RNF17: variants seen among roughly 807,000 people sequenced by gnomAD.
The protein encoded by RNF17 is spermatogenesis associated 23.
Under a neutral mutation model 200.5 loss-of-function variants are expected in RNF17, and 31 were observed. The observed-to-expected ratio is 0.15, with a 90% CI of 0.12 to 0.21. The LOEUF (loss-of-function observed/expected upper bound fraction) is 0.21. RNF17 is among the 10% of genes least tolerant of loss of function. RNF17 has a pLI of 1.00. For synonymous variants in RNF17, 606 were observed against 637.8 expected, an observed-to-expected ratio of 0.95 and a Z score of 0.75; for missense variants, 1,628 against 1,905.1, an observed-to-expected ratio of 0.85 and a Z score of 2.71.
At chr13:24,843,380 T>A (rs1030231349) in intron 19 of RNF17, among the ~76,000 whole-genome samples, 1 of 151,748 alleles carries the variant, frequency 6.6e-6, no homozygotes, top group African/African-American at 2.4e-5. Context: ...TAGTGGGGCA[T>A]GGTGGCAGGT....
chr13:24,767,384 T>C lies in RNF17; in HGVS notation c.225+18T>C. On this transcript the variant is annotated intron_variant, in intron 2 of 35. Coordinates refer to ENST00000255324, the MANE Select transcript of RNF17 (RefSeq NM_031277.3). ...ATTGTGAGGTAAGTGTTATAATTTT[T>C]CAGATGAAACATATCACAACCTAAT... 1 of 1,464,078 alleles carries C rather than the reference T, an allele frequency of 6.8e-7. No homozygotes were observed. Among genetic ancestry groups the C allele is most frequent in the Non-Finnish European group, 9.6e-7 (1 of 1,044,720 alleles). The allele number at this position is 1,464,078 out of a possible 1,614,324, so 90.7% of individuals were successfully genotyped here.
intron 1 of RNF17, among the ~76,000 whole-genome samples, chr13:24,765,208 G>C (rs1215864323): frequency 6.6e-6 from 1 of 152,006 alleles, no homozygotes; most frequent in African/African-American, 2.4e-5. Context: ...GTAGAGACAG[G>C]GTTTCACCGT....
At chr13:24,832,292 G>A (rs1889501562) in intron 18 of RNF17, among the ~76,000 whole-genome samples, 1 of 152,230 alleles carries the variant, frequency 6.6e-6, no homozygotes, top group African/African-American at 2.4e-5. Context: ...GGATGCTAAC[G>A]TTTAATTTCC....
At chr13:24,779,811 T>C (rs980345549) in intron 5 of RNF17, 64 bp downstream of exon 5, 1 of 1,210,422 alleles carries the variant, frequency 8.3e-7, no homozygotes, top group Non-Finnish European at 1.2e-6. Context: ...AGTGTGTACA[T>C]TTGGAGATGT....
chr13:24,797,746 T>G (rs1030917431), intron 11 of RNF17, among the ~76,000 whole-genome samples: 9 of 25,848 alleles, frequency 3.5e-4, no homozygotes, highest in African/African-American at 1.2e-3. Flanking sequence ...GTGTGTGTGT[T>G]TACCCTGCAA....
At chr13:24,798,862 C>T (rs1884915613) in intron 11 of RNF17, among the ~76,000 whole-genome samples, 1 of 152,036 alleles carries the variant, frequency 6.6e-6, no homozygotes, top group Non-Finnish European at 1.5e-5. Context: ...GTTCATCTTC[C>T]CTCTTCTCTG....
intron 34 of RNF17, 21 bp downstream of exon 34, chr13:24,877,207 A>C: frequency 6.3e-7 from 1 of 1,583,188 alleles, no homozygotes; most frequent in Non-Finnish European, 8.6e-7. Context: ...CAAGTAGCCA[A>C]AATTATTGTA....
chr13:24,836,374 T>A (rs1320072068), intron 18 of RNF17, among the ~76,000 whole-genome samples: 31 of 152,188 alleles, frequency 2.0e-4, no homozygotes, highest in Admixed American at 2.0e-3. Flanking sequence ...CCTGGGAAAT[T>A]CATCGCAAAA....
chr13:24,879,072 T>C, intron 34 of RNF17, 115 bp from the exon 35 acceptor site: 1 of 682,794 alleles, frequency 1.5e-6, no homozygotes, highest in Non-Finnish European at 2.5e-6. Flanking sequence ...AGAGCATAAA[T>C]TATCAATAGG....
chr13:24,748,072 C>A, the RNF17 span, among the ~76,000 whole-genome samples: 3 of 152,228 alleles, frequency 2.0e-5, no homozygotes, highest in Non-Finnish European at 4.4e-5. Flanking sequence ...CCGCACTGAT[C>A]CGAGCTTTAA....
At chr13:24,768,485 C>T (rs1378880362) in intron 2 of RNF17, among the ~76,000 whole-genome samples, 4 of 151,944 alleles carry the variant, frequency 2.6e-5, no homozygotes, top group Admixed American at 6.6e-5. Context: ...GGGGTTTCAC[C>T]ATATTAGCCA....
At chr13:24,772,231 G>A (rs892943301) in intron 2 of RNF17, among the ~76,000 whole-genome samples, 1 of 152,106 alleles carries the variant, frequency 6.6e-6, no homozygotes, top group African/African-American at 2.4e-5. Flanking sequence ...CTAGCACATA[G>A]TGTTTTAATT....
chr13:24,839,016 T>C (rs1441708802), intron 18 of RNF17, among the ~76,000 whole-genome samples: 1 of 152,162 alleles, frequency 6.6e-6, no homozygotes, highest in African/African-American at 2.4e-5. Context: ...GTAGCTCTTC[T>C]GTACACCAAC....
At chr13:24,848,224 T>C (rs942794864) in intron 22 of RNF17, among the ~76,000 whole-genome samples, 20 of 152,318 alleles carry the variant, frequency 1.3e-4, no homozygotes, top group African/African-American at 4.6e-4. Context: ...AAACACAGTC[T>C]GAACCCAGAA....
chr13:24,876,432 TTGGGTATATACCCAGAAA>T (rs1363708022), intron 33 of RNF17, among the ~76,000 whole-genome samples: 1 of 152,238 alleles, frequency 6.6e-6, no homozygotes, highest in African/African-American at 2.4e-5. Flanking sequence ...TTCAATTATT[TTGGGTATATACCCAGAAA>T]TGGAACTGCT....
rs185578971 is a variant in RNF17, at chr13:24,800,651, T to G, written c.1758+117T>G. On this transcript the variant is annotated intron_variant, in intron 13 of 35. Transcript: ENST00000255324. ...ACCAGTAATCTTGATAAATACATAGTGCATATTAAACTGTTAGTTCTAATA... is the reference window on the plus strand; with the variant it reads ...ACCAGTAATCTTGATAAATACATAGGGCATATTAAACTGTTAGTTCTAATA... The G allele has an allele frequency of 2.4e-5, 17 of 708,452 alleles. 1 individual carries two copies. The Admixed American group carries it at 2.8e-4, about 12-fold the overall frequency. The allele number at this position is 708,452 out of a possible 1,614,324, so 43.9% of individuals were successfully genotyped here.
At chr13:24,878,969 A>AG (rs1250674775) in intron 34 of RNF17, among the ~76,000 whole-genome samples, 1 of 152,208 alleles carries the variant, frequency 6.6e-6, no homozygotes, top group Non-Finnish European at 1.5e-5. Flanking sequence ...GGCTTCATTT[A>AG]GGAAGACCTT....
chr13:24,767,545 C>G (rs1199188930), intron 2 of RNF17, among the ~76,000 whole-genome samples, 179 bp downstream of exon 2: 1 of 152,068 alleles, frequency 6.6e-6, no homozygotes, highest in Non-Finnish European at 1.5e-5. Flanking sequence ...ATCAAGAGAT[C>G]AAGACCACCT....
intron 15 of RNF17, among the ~76,000 whole-genome samples, chr13:24,822,995 A>G (rs1888244697): frequency 6.6e-6 from 1 of 152,138 alleles, no homozygotes; most frequent in Non-Finnish European, 1.5e-5. Flanking sequence ...AACTTTAAGA[A>G]CTCATAGAAT....
Sources: allele counts gnomAD v4.1 joint callset (sites outside exome capture counted in the v4.1 genomes callset), GRCh38; gene constraint gnomAD v4.1.1; transcripts MANE v1.5; gene names NCBI Gene and HGNC (gene_info 2026-07-23, HGNC 2026-07-21).